ADAMTSL3: variants seen among roughly 807,000 people sequenced by gnomAD.
The protein encoded by ADAMTSL3 is ADAMTS like 3.
ADAMTSL3 carries 128 observed loss-of-function variants against 201.7 expected under a neutral mutation model. The ratio of observed to expected loss-of-function variants is 0.63; its 90% CI spans 0.55 to 0.73. The LOEUF is 0.73. Among genes scored for constraint, ADAMTSL3 ranks in the 30% least tolerant of loss-of-function variants. The pLI is 0.00. For synonymous variants in ADAMTSL3, 738 were observed against 748.4 expected (o/e 0.99, Z 0.23); for missense variants, 1,990 against 2,119.6 (o/e 0.94, Z 1.20).
At chr15:83,942,334 A>G (rs1476573376) in intron 17 of ADAMTSL3, among the ~76,000 whole-genome samples, 1 of 152,208 alleles carries the variant, frequency 6.6e-6, no homozygotes, top group African/African-American at 2.4e-5. Flanking sequence ...GTAGGACAGG[A>G]TGGGAACAGA....
chr15:83,732,045 A>G (rs2062284933), intron 3 of ADAMTSL3, among the ~76,000 whole-genome samples: 3 of 152,078 alleles, frequency 2.0e-5, no homozygotes, highest in Admixed American at 2.0e-4. Context: ...TTCACCACAC[A>G]TACACAAAAG....
intron 9 of ADAMTSL3, among the ~76,000 whole-genome samples, chr15:83,877,102 C>CA (rs975165309): frequency 8.6e-5 from 13 of 151,716 alleles, no homozygotes; most frequent in Non-Finnish European, 1.3e-4. Context: ...CCAAATTAAA[C>CA]AAAAAAAATT....
In ADAMTSL3 at chr15:83,982,608, A is replaced by G. The variant is rs1567280636; in HGVS notation, c.2980A>G (p.Lys994Glu). The change falls in exon 21 of 30, where the codon AAG (lysine) becomes GAG (glutamate). Residue 994 changes from lysine (K) to glutamate (E), a missense_variant. Transcript: ENST00000286744. ...CTCTGCACAGGAAACAGTTGTGCTC[A>G]AGCTCATTGGTACTGACAACCGGCT... ...AGSAQETVVL[K>E]LIGTDNRLIA... is the part of the protein sequence containing the mutation. 1 of 1,614,170 alleles carries G rather than the reference A, an allele frequency of 6.2e-7. No homozygotes were observed. Among genetic ancestry groups the G allele is most frequent in the East Asian group, 2.2e-5 (1 of 44,884 alleles).
At chr15:83,821,957 C>T (rs1355068584) in intron 6 of ADAMTSL3, among the ~76,000 whole-genome samples, 37 of 142,426 alleles carry the variant, frequency 2.6e-4, no homozygotes, top group African/African-American at 7.7e-4. Context: ...CGGGCAGAGG[C>T]GCCCCTCACC....
At chr15:83,901,099 C>T (rs9921007) in intron 15 of ADAMTSL3, among the ~76,000 whole-genome samples, 45,838 of 152,018 alleles carry the variant, frequency 0.3, 7,857 homozygotes, top group Admixed American at 0.44. Flanking sequence ...GCACATCACA[C>T]TCATGACAGG....
intron 17 of ADAMTSL3, among the ~76,000 whole-genome samples, chr15:83,937,322 C>T (rs1190060165): frequency 6.6e-6 from 1 of 150,960 alleles, no homozygotes; most frequent in Non-Finnish European, 1.5e-5. Flanking sequence ...GAATATTATG[C>T]AGCCATAGAA....
intron 17 of ADAMTSL3, among the ~76,000 whole-genome samples, chr15:83,933,399 C>A (rs2066397154): frequency 6.6e-6 from 1 of 152,068 alleles, no homozygotes; most frequent in Admixed American, 6.5e-5. Flanking sequence ...TTCTAAGAAG[C>A]AAAGCATTCA....
At chr15:83,848,231 G>C (rs2064542407) in intron 7 of ADAMTSL3, among the ~76,000 whole-genome samples, 1 of 152,142 alleles carries the variant, frequency 6.6e-6, no homozygotes, top group African/African-American at 2.4e-5. Context: ...GGTTGTCAAA[G>C]TGAGAGTCAC....
chr15:83,863,758 T>G (rs1352548498), intron 8 of ADAMTSL3, among the ~76,000 whole-genome samples: 7 of 151,856 alleles, frequency 4.6e-5, no homozygotes, highest in Non-Finnish European at 8.8e-5. Context: ...AAGAAATAAC[T>G]AAGATCAGAG....
intron 16 of ADAMTSL3, among the ~76,000 whole-genome samples, chr15:83,916,743 G>T (rs12911979): frequency 3.9e-5 from 6 of 152,006 alleles, no homozygotes; most frequent in African/African-American, 9.7e-5. Flanking sequence ...GCCAGGAGTT[G>T]GAGATCAATC....
intron 2 of ADAMTSL3, among the ~76,000 whole-genome samples, chr15:83,669,345 C>T (rs2061292166): frequency 6.7e-6 from 1 of 149,652 alleles, no homozygotes; most frequent in Non-Finnish European, 1.5e-5. Context: ...GGGGTTTCAC[C>T]ATATTGGCCA....
chr15:83,736,140 C>A (rs1248575326), intron 3 of ADAMTSL3, among the ~76,000 whole-genome samples: 1 of 152,168 alleles, frequency 6.6e-6, no homozygotes, highest in Non-Finnish European at 1.5e-5. Context: ...GAAAGTGGTT[C>A]TTCTATTCCT....
At chr15:83,681,508 T>C (rs1567068431) in intron 2 of ADAMTSL3, among the ~76,000 whole-genome samples, 1 of 152,180 alleles carries the variant, frequency 6.6e-6, no homozygotes, top group African/African-American at 2.4e-5. Flanking sequence ...GCCCTAGAAA[T>C]TCATCTTTAA....
At position 83,942,941 on chromosome 15, in the gene ADAMTSL3, A is replaced by G; in HGVS notation, c.2349A>G (p.Arg783=). 1 of 1,610,904 alleles carries G rather than the reference A, an allele frequency of 6.2e-7. No homozygotes were observed. Residue 783 remains arginine (R), a synonymous_variant, in exon 19 of 30, where the codon AGA becomes AGG. Coordinates refer to ENST00000286744, the MANE Select transcript of ADAMTSL3 (RefSeq NM_207517.3). ...GTGGCGGGGGAACTCAGAACAGAAG[A>G]GTCACCTGTCGGCAGCTGCTAACGG... The part of the protein sequence containing the change: ...RTCGGGTQNR[R]VTCRQLLTDG...
chr15:84,033,817 GCAA>G (rs2068450812), intron 28 of ADAMTSL3, among the ~76,000 whole-genome samples: 1 of 152,096 alleles, frequency 6.6e-6, no homozygotes. Context: ...ATCAAAGGTA[GCAA>G]AAAATAAGAG....
intron 21 of ADAMTSL3, among the ~76,000 whole-genome samples, chr15:83,988,189 C>T (rs1429164448): frequency 6.6e-6 from 1 of 152,142 alleles, no homozygotes; most frequent in African/African-American, 2.4e-5. Context: ...GCATGATGAC[C>T]TCAATCGACT....
chr15:83,982,413 T>A lies in ADAMTSL3; in HGVS notation c.2785T>A (p.Ser929Thr). ...GSRAYLLPNT[S>T]VIIKCPVRRF... is the part of the protein sequence containing the mutation. ...CAGAGCCTATTTGCTGCCCAACACA[T>A]CCGTGATTATTAAGTGCCCCGTGCG... Residue 929 changes from serine to threonine, a missense_variant, in exon 21 of 30, where the codon TCC becomes ACC. Transcript: ENST00000286744. The A allele has an allele frequency of 6.2e-7, 1 of 1,614,068 alleles. No homozygotes were observed. Among genetic ancestry groups the A allele is most frequent in the Non-Finnish European group, 8.5e-7 (1 of 1,180,030 alleles).
intron 4 of ADAMTSL3, among the ~76,000 whole-genome samples, chr15:83,782,485 A>G (rs192237288): frequency 6.6e-6 from 1 of 152,152 alleles, no homozygotes; most frequent in African/African-American, 2.4e-5. Context: ...TCCTCAAAAA[A>G]CAAATTGTAA....
chr15:83,950,667 C>T (rs2066740417), intron 19 of ADAMTSL3, among the ~76,000 whole-genome samples: 1 of 151,936 alleles, frequency 6.6e-6, no homozygotes, highest in Non-Finnish European at 1.5e-5. Context: ...TTATAGTCCT[C>T]TTCAATTTCT....
Sources: allele counts gnomAD v4.1 joint callset (sites outside exome capture counted in the v4.1 genomes callset), GRCh38; gene constraint gnomAD v4.1.1; transcripts MANE v1.5; gene names NCBI Gene and HGNC (gene_info 2026-07-23, HGNC 2026-07-21).